The following PSD3 variants were observed in gnomAD, a reference collection of about 807,000 sequenced individuals.
PSD3 encodes the protein PH and SEC7 domain-containing protein 3.
In PSD3, 49 loss-of-function variants were observed where a neutral mutation model predicts 105.5. That is an observed-to-expected ratio of 0.46 (90% CI 0.37 to 0.59). PSD3 has a LOEUF of 0.59. Among genes scored for constraint, PSD3 ranks in the 20% least tolerant of loss-of-function variants. The pLI is 0.00. For synonymous variants in PSD3, 557 were observed against 457.8 expected (o/e 1.22, Z -2.77); for missense variants, 1,561 against 1,263.8 (o/e 1.24, Z -3.57).
At chr8:18,914,199 G>GAA (rs60489138) in intron 2 of PSD3, among the ~76,000 whole-genome samples, 33,697 of 137,928 alleles carry the variant, frequency 0.24, 4,268 homozygotes, top group South Asian at 0.35. Flanking sequence ...TCATGATAAA[G>GAA]AAAAAAAAAA....
At position 19,013,567 on chromosome 8, in the gene PSD3, G is replaced by A; in HGVS notation, c.17C>T (p.Ala6Val). Residue 6 changes from alanine (A) to valine (V), a missense_variant, in exon 1 of 16, where the codon GCA (alanine) becomes GTA (valine). Coordinates refer to ENST00000327040, the MANE Select transcript of PSD3 (RefSeq NM_015310.4). MEGRSAAAETFVWVNN... is the reference protein window; with the variant it reads MEGRSVAAETFVWVNN... ...CGCCCCGGCCCCGGAGCTCACCGCT[G>A]CGCTCCTTCCTTCCATCTTCCATCG... is the stretch of plus-strand genomic sequence containing the variant. 3 of 1,553,132 alleles carry A rather than the reference G, an allele frequency of 1.9e-6. No homozygotes were observed. Among genetic ancestry groups the A allele is most frequent in the Non-Finnish European group, 2.6e-6 (3 of 1,158,562 alleles).
intron 4 of PSD3, among the ~76,000 whole-genome samples, chr8:18,822,002 C>A (rs1260591271): frequency 6.6e-6 from 1 of 152,066 alleles, no homozygotes; most frequent in Non-Finnish European, 1.5e-5. Flanking sequence ...AGTCACAATG[C>A]ACCTTAGTAC....
chr8:18,848,524 C>A (rs1350453155), intron 4 of PSD3, among the ~76,000 whole-genome samples: 1 of 152,160 alleles, frequency 6.6e-6, no homozygotes, highest in Admixed American at 6.5e-5. Context: ...GCCAGGCATG[C>A]AACTGAGAAG....
At chr8:18,616,619 TTTTC>T (rs1204769925) in intron 11 of PSD3, among the ~76,000 whole-genome samples, 8 of 47,504 alleles carry the variant, frequency 1.7e-4, no homozygotes, top group Admixed American at 1.0e-3. Context: ...TCTTCCTCTC[TTTTC>T]TTTTCTTTTT....
At chr8:18,904,632 C>G (rs752185900) in intron 2 of PSD3, among the ~76,000 whole-genome samples, 14 of 152,092 alleles carry the variant, frequency 9.2e-5, no homozygotes, top group Non-Finnish European at 1.9e-4. Flanking sequence ...AATAACAAAA[C>G]AAAATAAAAA....
At chr8:18,638,087 G>A (rs1367153801) in intron 10 of PSD3, among the ~76,000 whole-genome samples, 1 of 151,370 alleles carries the variant, frequency 6.6e-6, no homozygotes, top group African/African-American at 2.4e-5. Flanking sequence ...CCTGGCAAGT[G>A]GAGGTTGCAG....
At chr8:18,616,616 C>CT (rs1805687934) in intron 11 of PSD3, among the ~76,000 whole-genome samples, 1 of 80,218 alleles carries the variant, frequency 1.2e-5, no homozygotes, top group African/African-American at 4.4e-5. Context: ...TCATCTTCCT[C>CT]TCTTTTCTTT....
chr8:18,697,380 A>G (rs553065547), intron 9 of PSD3, among the ~76,000 whole-genome samples: 1 of 152,208 alleles, frequency 6.6e-6, no homozygotes, highest in African/African-American at 2.4e-5. Context: ...CTGACAAGTG[A>G]TAAGACTCAA....
intron 9 of PSD3, among the ~76,000 whole-genome samples, chr8:18,744,910 G>A (rs533758963): frequency 3.9e-4 from 59 of 152,130 alleles, no homozygotes; most frequent in African/African-American, 1.3e-3. Context: ...TTATGACCTC[G>A]ACACTTCAAA....
chr8:19,040,041 T>C (rs1416008381), intron 1 of PSD3, among the ~76,000 whole-genome samples: 3 of 152,128 alleles, frequency 2.0e-5, no homozygotes, highest in African/African-American at 7.2e-5. Context: ...CCAACCTAAA[T>C]GAATGAGGGA....
intron 3 of PSD3, 132 bp downstream of exon 3, chr8:18,871,494 T>A (rs1383418802): frequency 3.4e-6 from 4 of 1,184,644 alleles, no homozygotes; most frequent in Non-Finnish European, 4.7e-6. Flanking sequence ...TAGCTCACAG[T>A]AACTCATCTT....
At chr8:19,074,248 A>T (rs1457664066) in intron 1 of PSD3, among the ~76,000 whole-genome samples, 1 of 152,086 alleles carries the variant, frequency 6.6e-6, no homozygotes, top group Non-Finnish European at 1.5e-5. Context: ...TACAGAACCC[A>T]TTGCGGTGTT....
At chr8:18,788,304 CA>C (rs1585993561) in intron 8 of PSD3, among the ~76,000 whole-genome samples, 2 of 152,254 alleles carry the variant, frequency 1.3e-5, no homozygotes, top group East Asian at 3.9e-4. Context: ...ATAACGAGAG[CA>C]AAGGGGAAAA....
At chr8:18,704,670 T>A (rs139826231) in intron 9 of PSD3, among the ~76,000 whole-genome samples, 67 of 152,284 alleles carry the variant, frequency 4.4e-4, no homozygotes, top group African/African-American at 1.4e-3. Context: ...TGAGTTTCCA[T>A]CTCAGTTCTG....
At chr8:18,886,342 G>A (rs1024998134) in intron 2 of PSD3, among the ~76,000 whole-genome samples, 4 of 152,108 alleles carry the variant, frequency 2.6e-5, no homozygotes, top group African/African-American at 9.7e-5. Context: ...GGCATTCAGA[G>A]GGCAGCCGGC....
chr8:18,630,865 G>A (rs1806847301), intron 11 of PSD3, among the ~76,000 whole-genome samples: 1 of 151,618 alleles, frequency 6.6e-6, no homozygotes, highest in Non-Finnish European at 1.5e-5. Flanking sequence ...CACAGTATTA[G>A]ATATTATAAG....
At chr8:18,698,710 A>C (rs1051038939) in intron 9 of PSD3, among the ~76,000 whole-genome samples, 4 of 152,304 alleles carry the variant, frequency 2.6e-5, no homozygotes, top group Admixed American at 1.3e-4. Context: ...GCAAACAGAT[A>C]TACCTATAAT....
intron 9 of PSD3, among the ~76,000 whole-genome samples, chr8:18,710,194 G>T (rs188688379): frequency 1.3e-5 from 2 of 152,150 alleles, no homozygotes; most frequent in Admixed American, 1.3e-4. Context: ...ACTTCACAAC[G>T]CAACCATGAG....
At chr8:18,933,284 G>A (rs1383228637) in intron 2 of PSD3, among the ~76,000 whole-genome samples, 1 of 151,852 alleles carries the variant, frequency 6.6e-6, no homozygotes, top group African/African-American at 2.4e-5. Context: ...CAAAACCCAC[G>A]AGTAAGGAAG....
Sources: allele counts gnomAD v4.1 joint callset (sites outside exome capture counted in the v4.1 genomes callset), GRCh38; gene constraint gnomAD v4.1.1; transcripts MANE v1.5; gene names NCBI Gene and HGNC (gene_info 2026-07-23, HGNC 2026-07-21).